Variants in CD8B observed in about 807,000 individuals in gnomAD.
The protein encoded by CD8B is T-cell surface glycoprotein CD8 beta chain.
CD8B carries 6 observed loss-of-function variants against 24.2 expected under a neutral mutation model. That is an observed-to-expected ratio of 0.25 (90% CI 0.14 to 0.49). The LOEUF is 0.49. Among genes scored for constraint, CD8B ranks in the 20% least tolerant of loss-of-function variants. The probability of loss-of-function intolerance (pLI) is 0.98; values close to 1 mark genes in which losing one functional copy is unlikely to be tolerated. For missense variants in CD8B, 196 were observed against 271.3 expected, an observed-to-expected ratio of 0.72 and a Z score of 1.95; for synonymous variants, 84 against 108.3, an observed-to-expected ratio of 0.78 and a Z score of 1.39.
At chr2:86,815,646 G>A (rs1442593069) in exon 6 of CD8B, 5 of 1,613,404 alleles carry the variant, frequency 3.1e-6, no homozygotes, top group Non-Finnish European at 3.4e-6. Flanking sequence ...GCTTCTGTGA[G>A]GTTGTAGTAT....
intron 2 of CD8B, among the ~76,000 whole-genome samples, chr2:86,856,671 G>A (rs1234437198): frequency 6.6e-6 from 1 of 151,684 alleles, no homozygotes; most frequent in East Asian, 1.9e-4. Flanking sequence ...TCCAGCCTTG[G>A]GCCAAGCTGG....
intron 3 of CD8B, 65 bp from the exon 4 acceptor site, chr2:86,846,838 A>T (rs1675703601): frequency 8.6e-7 from 1 of 1,158,700 alleles, no homozygotes; most frequent in South Asian, 1.3e-5. Context: ...CACGCAGAAA[A>T]ATACAAGGAG....
intron 5 of CD8B, among the ~76,000 whole-genome samples, chr2:86,829,118 GA>G (rs1674808669): frequency 2.9e-4 from 3 of 10,416 alleles, no homozygotes; most frequent in Non-Finnish European, 8.2e-4. Context: ...TTTTTTTTTT[GA>G]GACGGAGTCT....
intron 3 of CD8B, among the ~76,000 whole-genome samples, chr2:86,847,524 A>C (rs1675744562): frequency 6.6e-6 from 1 of 152,124 alleles, no homozygotes; most frequent in Non-Finnish European, 1.5e-5. Context: ...TGTAATTTTT[A>C]TATATACATA....
Position 86,861,860 on chromosome 2 carries a change from C to G in CD8B, c.6G>C (p.Arg2=). Residue 2 remains arginine (R), a synonymous_variant, in exon 1 of 6, where the codon CGG becomes CGC. Transcript: ENST00000390655. ...CGGCCAAGAGGAGCCACAGCCGCGG[C>G]CGCATCGTGGCGCGCCCGGGACACC... The part of the protein sequence containing the change: M[R]PRLWLLLAAQ... The G allele has an allele frequency of 7.8e-7, 1 of 1,279,010 alleles. No homozygotes were observed. The highest frequency in any genetic ancestry group is 2.7e-5 in the South Asian group (1 of 36,716). 79.2% of individuals were successfully genotyped at this position (1,279,010 alleles called of 1,614,324 possible).
chr2:86,823,370 C>T (rs1674554284), intron 5 of CD8B, among the ~76,000 whole-genome samples: 1 of 152,106 alleles, frequency 6.6e-6, no homozygotes, highest in Non-Finnish European at 1.5e-5. Context: ...GCCTTCACCT[C>T]GTGGGCTCAA....
chr2:86,851,157 A>G (rs1435936284), intron 3 of CD8B, among the ~76,000 whole-genome samples: 1 of 152,070 alleles, frequency 6.6e-6, no homozygotes, highest in East Asian at 1.9e-4. Context: ...TGTTTTTGCC[A>G]TCATTTATAA....
chr2:86,850,854 GC>G, intron 3 of CD8B, among the ~76,000 whole-genome samples: 1 of 152,290 alleles, frequency 6.6e-6, no homozygotes, highest in Non-Finnish European at 1.5e-5. Flanking sequence ...ACTTTGGGAG[GC>G]CAAGGCAGGT....
chr2:86,846,869 C>T lies in CD8B; in HGVS notation c.494-96G>A, dbSNP rs907488398. 17 of 715,830 alleles carry T rather than the reference C, an allele frequency of 2.4e-5. No homozygotes were observed. In the African/African-American group the frequency reaches 2.8e-4, roughly 12 times the overall value. 44.3% of individuals were successfully genotyped at this position (715,830 alleles called of 1,614,324 possible). The stretch of plus-strand genomic sequence containing the variant: ...AGGAGCGAAAAATTCAACTGGAAGC[C>T]CCACCTCCCAGAGAATACCACCATT... On this transcript the variant is annotated intron_variant, in intron 3 of 5. Coordinates refer to ENST00000390655, the MANE Select transcript of CD8B (RefSeq NM_004931.5).
intron 3 of CD8B, among the ~76,000 whole-genome samples, chr2:86,850,052 A>G (rs1368810752): frequency 6.6e-6 from 1 of 151,966 alleles, no homozygotes; most frequent in Non-Finnish European, 1.5e-5. Context: ...GGTCACAGGG[A>G]TGTACAGGGC....
intron 2 of CD8B, 94 bp downstream of exon 2, chr2:86,857,963 A>G: frequency 7.6e-7 from 1 of 1,307,422 alleles, no homozygotes; most frequent in African/African-American, 1.5e-5. Context: ...TCACGGCTGC[A>G]GAGTGGGGCA....
chr2:86,825,752 A>G (rs1674655519), intron 5 of CD8B, among the ~76,000 whole-genome samples: 1 of 152,126 alleles, frequency 6.6e-6, no homozygotes, highest in South Asian at 2.1e-4. Flanking sequence ...TGCCACCTCC[A>G]AGTCTGAACA....
intron 2 of CD8B, among the ~76,000 whole-genome samples, chr2:86,854,419 A>C (rs1676129760): frequency 6.6e-6 from 1 of 152,126 alleles, no homozygotes; most frequent in African/African-American, 2.4e-5. Context: ...ATAATACCAG[A>C]GCTAAGGGAA....
rs990103973 is a variant in CD8B at position 86,853,423 on chromosome 2, C to T, written c.404-337G>A. Among the ~76,000 whole-genome samples, 39 of 152,084 alleles carry T rather than the reference C, an allele frequency of 2.6e-4. 1 individual carries two copies. Among genetic ancestry groups the T allele is most frequent in the Non-Finnish European group, 4.7e-4 (32 of 68,010 alleles). ...TGCAACTGCACTCTGGCCTGGACGA[C>T]AGAGCAAGACCCTGTCTCAAGAGCA... On this transcript the variant is annotated intron_variant, in intron 2 of 5. Coordinates refer to ENST00000390655, the MANE Select transcript of CD8B (RefSeq NM_004931.5).
chr2:86,842,194 A>G lies in CD8B; in HGVS notation c.*113T>C. 1.3e-6 allele frequency: 2 copies of G among 1,482,932 alleles called. No homozygotes were observed. Among genetic ancestry groups the G allele is most frequent in the Non-Finnish European group, 1.8e-6 (2 of 1,115,998 alleles). 91.9% of individuals were successfully genotyped at this position (1,482,932 alleles called of 1,614,324 possible). A position where few individuals can be genotyped will look rare whatever the true frequency, so the allele number is the denominator to read the frequency against. ...GCAGCAGTGAAAAGCAGGCAGCTTC[A>G]GCAGCCATTGAACTCTCCAGGGTTG... On this transcript the variant is annotated 3_prime_UTR_variant, in exon 6 of 6. Coordinates refer to ENST00000390655, the MANE Select transcript of CD8B (RefSeq NM_004931.5).
chr2:86,842,377 C>T (rs1176682506), intron 5 of CD8B, 58 bp from the exon 6 acceptor site: 6 of 1,582,748 alleles, frequency 3.8e-6, no homozygotes, highest in Non-Finnish European at 3.4e-6. Context: ...TATTGAATTT[C>T]CTGTAACAGA....
rs1055658655 is a variant in CD8B, at chr2:86,818,607, T to C, written c.621-2889A>G. Among the ~76,000 whole-genome samples the C allele has an allele frequency of 4.6e-5, 7 of 152,196 alleles. No individual in the cohort carries two copies. In the South Asian group the frequency reaches 1.4e-3, roughly 31 times the overall value. ...ACCATGCCCATTTATGACAGTGAACTTGATCCATAAATGTTGGGTGTGTTC... is the reference window on the plus strand; with the variant it reads ...ACCATGCCCATTTATGACAGTGAACCTGATCCATAAATGTTGGGTGTGTTC... On this transcript the variant is annotated intron_variant, in intron 5 of 5. Transcript: ENST00000331469.
chr2:86,823,209 C>A (rs1484678389), intron 5 of CD8B, among the ~76,000 whole-genome samples: 1 of 152,056 alleles, frequency 6.6e-6, no homozygotes, highest in African/African-American at 2.4e-5. Context: ...ACTCTTGGTA[C>A]CTCCTGCAAG....
At chr2:86,853,201 C>T (rs534614041) in intron 2 of CD8B, 115 bp from the exon 3 acceptor site, 102 of 1,508,138 alleles carry the variant, frequency 6.8e-5, no homozygotes, top group Admixed American at 1.0e-4. Flanking sequence ...CCAACACTTC[C>T]GGAGGCCAAG....
Sources: allele counts gnomAD v4.1 joint callset (sites outside exome capture counted in the v4.1 genomes callset), GRCh38; gene constraint gnomAD v4.1.1; transcripts MANE v1.5; gene names NCBI Gene and HGNC (gene_info 2026-07-23, HGNC 2026-07-21).